The following FOXJ3 variants were observed in gnomAD, a reference collection of about 807,000 sequenced individuals.
FOXJ3 encodes forkhead box J3, also known as forkhead box protein J3.
In FOXJ3, 22 loss-of-function variants were observed where a neutral mutation model predicts 76.1. The ratio of observed to expected loss-of-function variants is 0.29; its 90% CI spans 0.21 to 0.41. FOXJ3 has a LOEUF of 0.41. Among genes scored for constraint, FOXJ3 ranks in the 10% least tolerant of loss-of-function variants. The pLI is 1.00. For synonymous variants in FOXJ3, 269 were observed against 261.2 expected (o/e 1.03, Z -0.29); for missense variants, 613 against 762.1 (o/e 0.80, Z 2.30).
chr1:42,222,029 G>A (rs113734500), intron 5 of FOXJ3, among the ~76,000 whole-genome samples: 2,331 of 3,830 alleles, frequency 0.61, 1,005 homozygotes, highest in East Asian at 0.87. Flanking sequence ...AAGGGGGAGG[G>A]GGAGGAGAAG....
At chr1:42,325,643 A>G (rs1655789136) in intron 1 of FOXJ3, among the ~76,000 whole-genome samples, 1 of 152,216 alleles carries the variant, frequency 6.6e-6, no homozygotes, top group Admixed American at 6.5e-5. Context: ...TTTATTAGAA[A>G]TCTGCCAAGG....
intron 4 of FOXJ3, among the ~76,000 whole-genome samples, chr1:42,236,385 A>G (rs1402946382): frequency 6.6e-6 from 1 of 152,146 alleles, no homozygotes; most frequent in Non-Finnish European, 1.5e-5. Flanking sequence ...TTGTAGAGAC[A>G]GGGTCTTGCT....
intron 8 of FOXJ3, among the ~76,000 whole-genome samples, chr1:42,194,222 A>C (rs1646606767): frequency 6.6e-6 from 1 of 152,240 alleles, no homozygotes; most frequent in Non-Finnish European, 1.5e-5. Context: ...AATTTCTGAC[A>C]ATTCATCTCT....
chr1:42,204,302 AGG>A (rs1396596459), intron 6 of FOXJ3, among the ~76,000 whole-genome samples: 1 of 151,540 alleles, frequency 6.6e-6, no homozygotes, highest in East Asian at 1.9e-4. Context: ...GTGGGTGGGG[AGG>A]GGTGTGTGGC....
At chr1:42,280,453 A>AC in intron 2 of FOXJ3, 1 of 967,526 alleles carries the variant, frequency 1.0e-6, no homozygotes, top group Non-Finnish European at 1.2e-6. Context: ...AAAAAAAAAA[A>AC]AAAAAAAAAA....
chr1:42,298,662 C>A (rs1190491354), intron 2 of FOXJ3, among the ~76,000 whole-genome samples: 2 of 151,800 alleles, frequency 1.3e-5, no homozygotes, highest in Non-Finnish European at 2.9e-5. Flanking sequence ...TCATTTAGGT[C>A]TGCTCTGATC....
chr1:42,204,101 T>A (rs376286430), intron 6 of FOXJ3, among the ~76,000 whole-genome samples: 11 of 152,132 alleles, frequency 7.2e-5, no homozygotes, highest in African/African-American at 2.4e-4. Flanking sequence ...GTCTCCCTGG[T>A]TGAATGACTG....
Position 42,335,217 on chromosome 1 carries a change from C to G in FOXJ3, c.-176G>C, listed in dbSNP as rs920295637. 6.6e-6 allele frequency: 1 copy of G among 152,150 alleles called. No homozygotes were observed. The highest frequency in any genetic ancestry group is 6.5e-5 in the Admixed American group (1 of 15,270). 9.4% of individuals were successfully genotyped at this position (152,150 alleles called of 1,614,324 possible). ...CAGCAAGAGCAGCCAACATCCGGGGCCGCGCACCCGGAACTACTTCCCGAC... is the reference window on the plus strand; with the variant it reads ...CAGCAAGAGCAGCCAACATCCGGGGGCGCGCACCCGGAACTACTTCCCGAC... On this transcript the variant is annotated 5_prime_UTR_variant, in exon 1 of 13. Transcript: ENST00000361346.
chr1:42,320,869 C>T (rs990412315), intron 1 of FOXJ3, among the ~76,000 whole-genome samples: 12 of 152,216 alleles, frequency 7.9e-5, no homozygotes, highest in Non-Finnish European at 1.8e-4. Context: ...AAAACCAAGA[C>T]GCCACTTCCC....
chr1:42,273,843 C>G (rs1258835324), intron 3 of FOXJ3, among the ~76,000 whole-genome samples: 1 of 152,132 alleles, frequency 6.6e-6, no homozygotes, highest in East Asian at 1.9e-4. Context: ...GAAAATTACA[C>G]ACAAAATCCA....
At chr1:42,253,979 A>G (rs1650346406) in intron 4 of FOXJ3, among the ~76,000 whole-genome samples, 1 of 150,376 alleles carries the variant, frequency 6.6e-6, no homozygotes, top group Non-Finnish European at 1.5e-5. Context: ...TAATTAAACT[A>G]AAGAGCTTCT....
In FOXJ3 at chr1:42,222,054, GAAGA is replaced by G. The variant is rs1557649623; in HGVS notation, c.528+5825_528+5828del. On this transcript the variant is annotated intron_variant, in intron 5 of 12. Transcript: ENST00000361346. ...GGGAGGAGAAGGAGAAGGAGAAGAA[GAAGA>G]AGAAGAAGAAGAAGAAGAAGAAGAA... 7.3e-4 allele frequency among the ~76,000 whole-genome samples: 75 copies of G among 103,312 alleles called. 2 individuals carry two copies. Among genetic ancestry groups the G allele is most frequent in the Admixed American group, 9.4e-4 (10 of 10,674 alleles). 67.8% of individuals were successfully genotyped at this position (103,312 alleles called of 152,430 possible).
intron 4 of FOXJ3, among the ~76,000 whole-genome samples, chr1:42,234,417 G>A (rs567764809): frequency 1.7e-3 from 253 of 152,214 alleles, no homozygotes; most frequent in African/African-American, 5.7e-3. Flanking sequence ...GTCATTCTCC[G>A]TCCAGCTTTG....
chr1:42,214,824 T>C lies in FOXJ3; in HGVS notation c.529-8961A>G, dbSNP rs560441983. 3.3e-5 allele frequency among the ~76,000 whole-genome samples: 5 copies of C among 152,252 alleles called. No individual in the cohort carries two copies. The South Asian group carries it at 1.0e-3, about 32-fold the overall frequency. On this transcript the variant is annotated intron_variant, in intron 5 of 12. Coordinates refer to ENST00000361346, the MANE Select transcript of FOXJ3 (RefSeq NM_014947.5). ...AAAGGCAATCCTGTAAGAGAGAAAG[T>C]TGAAAGACATAATACATAATCCTGT...
chr1:42,329,288 T>C (rs1012707337), intron 1 of FOXJ3, among the ~76,000 whole-genome samples: 6 of 152,230 alleles, frequency 3.9e-5, no homozygotes, highest in African/African-American at 1.4e-4. Flanking sequence ...TTATAACAAA[T>C]TCTATTAAAT....
intron 2 of FOXJ3, among the ~76,000 whole-genome samples, chr1:42,282,299 T>C (rs1481753715): frequency 1.3e-5 from 2 of 152,096 alleles, no homozygotes; most frequent in East Asian, 3.9e-4. Flanking sequence ...TCCCTACTAA[T>C]CATATCCAGT....
chr1:42,247,962 G>C (rs1649680841), intron 4 of FOXJ3, among the ~76,000 whole-genome samples: 1 of 152,160 alleles, frequency 6.6e-6, no homozygotes, highest in South Asian at 2.1e-4. Context: ...CAATATGGAT[G>C]ATCCTGAAAA....
At chr1:42,249,122 T>C (rs1210273814) in intron 4 of FOXJ3, among the ~76,000 whole-genome samples, 1 of 152,180 alleles carries the variant, frequency 6.6e-6, no homozygotes, top group Non-Finnish European at 1.5e-5. Flanking sequence ...ATGGTGTATA[T>C]GTACCATATT....
intron 5 of FOXJ3, among the ~76,000 whole-genome samples, chr1:42,209,109 T>C (rs756287871): frequency 9.2e-5 from 14 of 152,284 alleles, no homozygotes; most frequent in South Asian, 2.1e-4. Flanking sequence ...TGAAGTGAAA[T>C]TGTCTCTGCT....
Sources: gnomAD v4.1 joint callset for allele counts (sites outside exome capture counted in the v4.1 genomes callset) on GRCh38, gnomAD v4.1.1 for gene constraint, MANE v1.5 for transcripts, NCBI Gene and HGNC (gene_info 2026-07-23, HGNC 2026-07-21) for gene names.